Variants in PHACTR2 observed in about 807,000 individuals in gnomAD.
PHACTR2 encodes the protein chromosome 6 open reading frame 56.
In PHACTR2, 30 loss-of-function variants were observed where a neutral mutation model predicts 76.0. The ratio of observed to expected loss-of-function variants is 0.39; its 90% CI spans 0.30 to 0.54. The LOEUF (loss-of-function observed/expected upper bound fraction) is 0.54. PHACTR2 is among the 20% of genes least tolerant of loss of function. The pLI is 0.61. For missense variants in PHACTR2, 696 were observed against 781.1 expected (o/e 0.89, Z 1.30); for synonymous variants, 292 against 292.5 (o/e 1.00, Z 0.02).
chr6:143,676,917 C>CA (rs945088244), upstream of PHACTR2, among the ~76,000 whole-genome samples: 3 of 151,034 alleles, frequency 2.0e-5, no homozygotes, highest in African/African-American at 7.4e-5. The surrounding 1 kb of genome is among the most constrained non-coding windows in gnomAD (Gnocchi z 4.8). Context: ...AAGTGCCTTT[C>CA]AAAAAAATCA....
Position 143,800,610 on chromosome 6 carries a change from C to T in PHACTR2, c.1846-6447C>T, listed in dbSNP as rs903301663. On this transcript the variant is annotated intron_variant, in intron 11 of 12. Coordinates refer to ENST00000440869, the MANE Select transcript of PHACTR2 (RefSeq NM_001100164.2). This position sits in a 1 kb window ranked among gnomAD's most constrained non-coding sequence, Gnocchi z 4.8. ...GTGTCTTTGCATGTGAGATGGGTCT[C>T]CTGAATACAGCACACTGATGGGTCT... Among the ~76,000 whole-genome samples the T allele has an allele frequency of 2.0e-5, 3 of 152,136 alleles. No homozygotes were observed. Among genetic ancestry groups the T allele is most frequent in the Non-Finnish European group, 4.4e-5 (3 of 68,036 alleles).
In PHACTR2 at chr6:143,760,643, G is replaced by C. The variant is rs369598077; in HGVS notation, c.694+3G>C. The C allele has an allele frequency of 6.2e-7, 1 of 1,613,706 alleles. No homozygotes were observed. Among genetic ancestry groups the C allele is most frequent in the Non-Finnish European group, 8.5e-7 (1 of 1,179,844 alleles). The stretch of plus-strand genomic sequence containing the variant: ...CCGAAACACGACCCGAGAGGCTGGT[G>C]AGTATGCCCCCAGTGCCCTGTGGGG... On this transcript the variant is annotated splice_donor_region_variant and intron_variant, in intron 5 of 12. Coordinates refer to ENST00000440869, the MANE Select transcript of PHACTR2 (RefSeq NM_001100164.2). The surrounding 1 kb of genome is among the most constrained non-coding windows in gnomAD (Gnocchi z 6.4).
intron 1 of PHACTR2, among the ~76,000 whole-genome samples, chr6:143,657,890 C>G (rs893869199): frequency 2.0e-5 from 3 of 152,140 alleles, no homozygotes; most frequent in African/African-American, 4.8e-5. Context: ...AAAAAGCTGA[C>G]AGCTGAGGGC....
chr6:143,711,946 C>A, intron 1 of PHACTR2, 70 bp from the exon 2 acceptor site: 1 of 1,323,276 alleles, frequency 7.6e-7, no homozygotes, highest in East Asian at 2.3e-5. Flanking sequence ...AGCCCAGGGA[C>A]CAATTGATGA....
intron 12 of PHACTR2, among the ~76,000 whole-genome samples, chr6:143,812,840 T>C (rs1282546627): frequency 1.3e-5 from 2 of 152,202 alleles, no homozygotes; most frequent in Admixed American, 6.5e-5. Flanking sequence ...GAGACCAACA[T>C]GGCAAACAAA....
intron 6 of PHACTR2, among the ~76,000 whole-genome samples, chr6:143,771,192 G>GTATATATATATATATATATA: frequency 6.0e-5 from 1 of 16,620 alleles, no homozygotes; most frequent in African/African-American, 3.4e-4. Context: ...ATATATATGT[G>GTATATATATATATATATATA]TGTATATATA....
intron 1 of PHACTR2, among the ~76,000 whole-genome samples, chr6:143,631,269 C>T (rs923391295): frequency 6.6e-6 from 1 of 152,138 alleles, no homozygotes; most frequent in African/African-American, 2.4e-5. Context: ...TAGCTCACTG[C>T]AGCCTCAACC....
chr6:143,553,692 T>C lies in PHACTR2; in HGVS notation c.217+16485T>C, dbSNP rs886877599. 3.9e-5 allele frequency among the ~76,000 whole-genome samples: 6 copies of C among 152,164 alleles called. No individual in the cohort carries two copies. Among genetic ancestry groups the C allele is most frequent in the Non-Finnish European group, 7.3e-5 (5 of 68,028 alleles). ...CTATAGGCTGAGGTTGAGGCCTAGT[T>C]GAGAAGAGGGCTCAGGGGAGCTGAC... On this transcript the variant is annotated intron_variant, in intron 1 of 11. Transcript: ENST00000367584. The surrounding 1 kb of genome is among the most constrained non-coding windows in gnomAD (Gnocchi z 4.2).
chr6:143,626,508 T>G (rs903173007), intron 1 of PHACTR2, among the ~76,000 whole-genome samples: 13 of 134,062 alleles, frequency 9.7e-5, no homozygotes, highest in Admixed American at 3.3e-4. Flanking sequence ...CTGCAGTCCA[T>G]CCTGGGCAGC....
Position 143,539,124 on chromosome 6 carries a change from CA to C in PHACTR2, c.217+1920del, listed in dbSNP as rs111621335. Among the ~76,000 whole-genome samples the C allele has an allele frequency of 3.7e-4, 57 of 152,262 alleles. No homozygotes were observed. The highest frequency in any genetic ancestry group is 1.2e-3 in the African/African-American group (50 of 41,536). ...TGGCCTGTATGCCGAAAAAGGACAG[CA>C]AAGACATTTAAAATGTGAGTGTGCA... is the stretch of plus-strand genomic sequence containing the variant. On this transcript the variant is annotated intron_variant, in intron 1 of 11. Coordinates refer to the PHACTR2 transcript ENST00000367584. The surrounding 1 kb of genome is among the most constrained non-coding windows in gnomAD (Gnocchi z 4.3).
chr6:143,712,866 A>G (rs889192029), intron 2 of PHACTR2, among the ~76,000 whole-genome samples: 20 of 152,240 alleles, frequency 1.3e-4, no homozygotes, highest in African/African-American at 4.6e-4. Context: ...AAACCTTAAA[A>G]GTTACATTGC....
upstream of PHACTR2, among the ~76,000 whole-genome samples, chr6:143,676,689 T>A (rs59530956): frequency 9.0e-3 from 1,366 of 152,210 alleles, 20 homozygotes; most frequent in African/African-American, 0.031. This position sits in a 1 kb window ranked among gnomAD's most constrained non-coding sequence, Gnocchi z 4.8. Context: ...GTAGTTAGGA[T>A]TAATTTTATT....
At chr6:143,724,834 G>A (rs571477897) in intron 2 of PHACTR2, among the ~76,000 whole-genome samples, 9 of 152,282 alleles carry the variant, frequency 5.9e-5, no homozygotes, top group Admixed American at 1.3e-4. Context: ...TCTCTCTTTG[G>A]TTGTGGCCAT....
At chr6:143,686,866 T>C (rs1226141992) in intron 1 of PHACTR2, among the ~76,000 whole-genome samples, 1 of 152,116 alleles carries the variant, frequency 6.6e-6, no homozygotes, top group African/African-American at 2.4e-5. Context: ...GGTTTCCATA[T>C]CCACTGTCCA....
At chr6:143,584,992 A>G (rs897130770) in intron 1 of PHACTR2, among the ~76,000 whole-genome samples, 11 of 151,828 alleles carry the variant, frequency 7.2e-5, no homozygotes, top group African/African-American at 2.2e-4. Flanking sequence ...AAAAAAAAAA[A>G]AAAAAGCTAT....
rs1775932844 is a variant in PHACTR2, at chr6:143,800,677, G to A, written c.1846-6380G>A. Among the ~76,000 whole-genome samples the A allele has an allele frequency of 6.6e-6, 1 of 152,050 alleles. No individual in the cohort carries two copies. The highest frequency in any genetic ancestry group is 1.5e-5 in the Non-Finnish European group (1 of 68,020). ...TTGCCAATCTGTGTCTTTTAATTGG[G>A]GCATTTAGCCCATTTACATTTAAGG... On this transcript the variant is annotated intron_variant, in intron 11 of 12. Transcript: ENST00000440869. This position sits in a 1 kb window ranked among gnomAD's most constrained non-coding sequence, Gnocchi z 4.8.
In PHACTR2 at chr6:143,823,697, T is replaced by A; in HGVS notation, c.*8T>A. On this transcript the variant is annotated 3_prime_UTR_variant, in exon 13 of 13. Transcript: ENST00000440869. The surrounding 1 kb of genome is among the most constrained non-coding windows in gnomAD (Gnocchi z 5.7). Reference sequence around the variant, plus strand: ...AGGTTTCATCGTCCATAACGAAGAGTGAGACTATTTGGAAACAGAGACTGA... The same window carrying A: ...AGGTTTCATCGTCCATAACGAAGAGAGAGACTATTTGGAAACAGAGACTGA... The A allele has an allele frequency of 6.2e-7, 1 of 1,608,562 alleles. No homozygotes were observed. The highest frequency in any genetic ancestry group is 8.5e-7 in the Non-Finnish European group (1 of 1,175,192).
rs1775235301 is a variant in PHACTR2, at chr6:143,774,773, T to C, written c.1589+558T>C. 6.6e-6 allele frequency among the ~76,000 whole-genome samples: 1 copy of C among 152,188 alleles called. No homozygotes were observed. The highest frequency in any genetic ancestry group is 6.5e-5 in the Admixed American group (1 of 15,288). On this transcript the variant is annotated intron_variant, in intron 8 of 12. Coordinates refer to ENST00000440869, the MANE Select transcript of PHACTR2 (RefSeq NM_001100164.2). The surrounding 1 kb of genome is among the most constrained non-coding windows in gnomAD (Gnocchi z 5.4). ...CCAAGTCAGGTAGCCTTAACCCTCA[T>C]ATCTGAACATCCCTCTTCCAACTTC...
Position 143,765,863 on chromosome 6 carries a change from A to G in PHACTR2, c.1232+65A>G, listed in dbSNP as rs1779552903. ...AAAGATCACTAATATATTCTGTTGG[A>G]AATGAAGCACCGGGTTTGCTTTCTT... is the stretch of plus-strand genomic sequence containing the variant. On this transcript the variant is annotated intron_variant, in intron 6 of 12. Transcript: ENST00000440869. The surrounding 1 kb of genome is among the most constrained non-coding windows in gnomAD (Gnocchi z 4.1). The G allele has an allele frequency of 7.3e-7, 1 of 1,363,990 alleles. No homozygotes were observed. Among genetic ancestry groups the G allele is most frequent in the Non-Finnish European group, 1.0e-6 (1 of 987,528 alleles). The allele number at this position is 1,363,990 out of a possible 1,614,324, so 84.5% of individuals were successfully genotyped here. A position where few individuals can be genotyped will look rare whatever the true frequency, so the allele number is the denominator to read the frequency against.
Sources: allele counts gnomAD v4.1 joint callset (sites outside exome capture counted in the v4.1 genomes callset), GRCh38; gene constraint gnomAD v4.1.1; non-coding constraint Gnocchi (gnomAD v3.1); transcripts MANE v1.5; gene names NCBI Gene and HGNC (gene_info 2026-07-23, HGNC 2026-07-21).